Variants in MEAF6 observed in about 807,000 individuals in gnomAD.
The protein encoded by MEAF6 is chromatin modification-related protein MEAF6.
A neutral mutation model predicts 28.9 loss-of-function variants in MEAF6; 15 were observed. The ratio of observed to expected loss-of-function variants is 0.52; its 90% CI spans 0.35 to 0.80. The LOEUF (loss-of-function observed/expected upper bound fraction) is 0.80, where lower values mean the gene tolerates loss of function less well. MEAF6 is among the 30% of genes least tolerant of loss of function. MEAF6 has a pLI of 0.01. For missense variants in MEAF6, 178 were observed against 237.5 expected, an observed-to-expected ratio of 0.75 and a Z score of 1.65; for synonymous variants, 97 against 88.7, an observed-to-expected ratio of 1.09 and a Z score of -0.53.
At chr1:37,495,713 A>AAAAAAAAAAAAAAAAAC (rs1557603971) in intron 6 of MEAF6, among the ~76,000 whole-genome samples, 172 bp downstream of exon 6, 3 of 133,982 alleles carry the variant, frequency 2.2e-5, no homozygotes, top group African/African-American at 7.8e-5. Flanking sequence ...ACAAAAAAAA[A>AAAAAAAAAAAAAAAAAC]AAAAAACAAA....
intron 5 of MEAF6, 87 bp downstream of exon 5, chr1:37,501,717 C>A: frequency 7.9e-7 from 1 of 1,266,180 alleles, no homozygotes. Flanking sequence ...AAAGAGTCTG[C>A]AGCAATCCTA....
In MEAF6 at chr1:37,492,171, G is replaced by A. The variant is rs1382992972; in HGVS notation, c.*1928C>T. Among the ~76,000 whole-genome samples, 5 of 151,930 alleles carry A rather than the reference G, an allele frequency of 3.3e-5. No homozygotes were observed. The highest frequency in any genetic ancestry group is 7.4e-5 in the Non-Finnish European group (5 of 67,980). On this transcript the variant is annotated 3_prime_UTR_variant, in exon 7 of 7. Transcript: ENST00000296214. ...AGCCTCCCGAGTAGCTGGGACTACC[G>A]GCACCCGCCACCACGCTCAGCTAAT...
intron 4 of MEAF6, among the ~76,000 whole-genome samples, chr1:37,506,769 C>G (rs1642499004): frequency 6.6e-6 from 1 of 152,182 alleles, no homozygotes; most frequent in Non-Finnish European, 1.5e-5. Context: ...GCCTTGAACT[C>G]CTGGGCTCAA....
At chr1:37,495,633 CTG>C (rs2148061012) in intron 6 of MEAF6, among the ~76,000 whole-genome samples, 1 of 129,642 alleles carries the variant, frequency 7.7e-6, no homozygotes, top group South Asian at 2.5e-4. Context: ...TGAACTGTGA[CTG>C]TGATGATACT....
Position 37,490,295 on chromosome 1 carries a change from T to C in MEAF6, c.*3804A>G, listed in dbSNP as rs1641884890. On this transcript the variant is annotated 3_prime_UTR_variant, in exon 7 of 7. Transcript: ENST00000296214. ...AAGCAGTTTTTCAAAGTGAAAACTG[T>C]TTCAAATCACGAAGCTTACCACTTA... 6.6e-6 allele frequency among the ~76,000 whole-genome samples: 1 copy of C among 152,058 alleles called. No homozygotes were observed. The highest frequency in any genetic ancestry group is 2.4e-5 in the African/African-American group (1 of 41,410).
At chr1:37,513,024 T>C (rs1173249075) in intron 2 of MEAF6, among the ~76,000 whole-genome samples, 2 of 152,032 alleles carry the variant, frequency 1.3e-5, no homozygotes, top group African/African-American at 2.4e-5. Flanking sequence ...ACCTCGTCTC[T>C]ACTAAAAATA....
chr1:37,509,911 G>A (rs982015249), intron 2 of MEAF6, among the ~76,000 whole-genome samples: 1 of 151,932 alleles, frequency 6.6e-6, no homozygotes, highest in Non-Finnish European at 1.5e-5. Flanking sequence ...CAAGTAGCCA[G>A]GATTACAGGT....
chr1:37,508,145 C>A (rs1455008417), intron 4 of MEAF6, among the ~76,000 whole-genome samples: 1 of 152,008 alleles, frequency 6.6e-6, no homozygotes, highest in African/African-American at 2.4e-5. Flanking sequence ...TATAACCCAT[C>A]CCTGGAAATT....
intron 4 of MEAF6, among the ~76,000 whole-genome samples, chr1:37,504,938 C>T (rs1180733870): frequency 1.3e-5 from 2 of 151,796 alleles, no homozygotes; most frequent in Non-Finnish European, 2.9e-5. Context: ...GGCTGGAGTA[C>T]AGTGGCGCGA....
At chr1:37,508,561 A>T (rs972052650) in intron 4 of MEAF6, among the ~76,000 whole-genome samples, 2 of 152,148 alleles carry the variant, frequency 1.3e-5, no homozygotes, top group African/African-American at 4.8e-5. Flanking sequence ...CAGGGATTAC[A>T]GGTGTGAGCC....
At chr1:37,503,624 G>A (rs575222539) in intron 4 of MEAF6, among the ~76,000 whole-genome samples, 5 of 138,038 alleles carry the variant, frequency 3.6e-5, no homozygotes, top group Admixed American at 1.6e-4. Context: ...CCACTGCAAT[G>A]CACTCTAGCC....
chr1:37,514,688 G>T lies in MEAF6; in HGVS notation c.59C>A (p.Ala20Glu). The change falls in exon 1 of 7, where the codon GCG becomes GAG. Residue 20 changes from alanine (A) to glutamate (E), a missense_variant. Transcript: ENST00000296214. ...CTCCTGCTTCCGCTTCACGAGCTCC[G>T]CCAGCTCCCGCCGGGTGTCCGGGAT... ...PQIPDTRREL[A>E]ELVKRKQELA... 6.5e-7 allele frequency: 1 copy of T among 1,542,878 alleles called. No individual in the cohort carries two copies.
intron 4 of MEAF6, 117 bp downstream of exon 4, chr1:37,509,161 G>A: frequency 2.1e-6 from 2 of 952,760 alleles, no homozygotes; most frequent in Non-Finnish European, 3.3e-6. Context: ...AGGAAGAAGA[G>A]GGAAAAGGGA....
intron 1 of MEAF6, 176 bp from the exon 2 acceptor site, chr1:37,513,714 A>C (rs954143043): frequency 7.5e-5 from 46 of 616,782 alleles, no homozygotes; most frequent in Non-Finnish European, 1.3e-4. Flanking sequence ...GACAGTCTAG[A>C]CCTTTGGGGG....
intron 2 of MEAF6, among the ~76,000 whole-genome samples, chr1:37,511,914 T>A (rs1467623697): frequency 6.6e-6 from 1 of 152,210 alleles, no homozygotes; most frequent in African/African-American, 2.4e-5. Flanking sequence ...TTGAGGAAAT[T>A]TTAATAAAGA....
At chr1:37,510,713 C>G (rs1161149875) in intron 2 of MEAF6, among the ~76,000 whole-genome samples, 1 of 150,096 alleles carries the variant, frequency 6.7e-6, no homozygotes, top group Non-Finnish European at 1.5e-5. Context: ...TCTATTTTAC[C>G]TTATTTACTT....
intron 5 of MEAF6, among the ~76,000 whole-genome samples, chr1:37,500,378 T>C (rs542461138): frequency 2.0e-5 from 3 of 152,310 alleles, no homozygotes; most frequent in East Asian, 1.9e-4. Context: ...ATCTTGACAA[T>C]TAAAAAAATT....
At chr1:37,503,476 C>A (rs1323475738) in intron 4 of MEAF6, among the ~76,000 whole-genome samples, 1 of 151,676 alleles carries the variant, frequency 6.6e-6, no homozygotes, top group Middle Eastern at 3.4e-3. Context: ...CACAGCCAGA[C>A]CCTCATCTCT....
Position 37,490,767 on chromosome 1 carries a change from C to T in MEAF6, c.*3332G>A, listed in dbSNP as rs1641900955. On this transcript the variant is annotated 3_prime_UTR_variant, in exon 7 of 7. Coordinates refer to ENST00000296214, the MANE Select transcript of MEAF6 (RefSeq NM_001270875.3). ...TTAGGCCGGGTGCAGTGGCTCACGC[C>T]TGTAATCCTAGCACTTTGGGAGGCT... 6.6e-6 allele frequency among the ~76,000 whole-genome samples: 1 copy of T among 152,200 alleles called. No individual in the cohort carries two copies. Among genetic ancestry groups the T allele is most frequent in the Non-Finnish European group, 1.5e-5 (1 of 68,038 alleles).
Sources: allele counts gnomAD v4.1 joint callset (sites outside exome capture counted in the v4.1 genomes callset), GRCh38; gene constraint gnomAD v4.1.1; transcripts MANE v1.5; gene names NCBI Gene and HGNC (gene_info 2026-07-23, HGNC 2026-07-21).